The following NPIPB8 variants were observed in gnomAD, a reference collection of about 807,000 sequenced individuals.
NPIPB8 encodes nuclear pore complex-interacting protein family member B8.
NPIPB8 carries 3 observed loss-of-function variants against 5.3 expected under a neutral mutation model. That is an observed-to-expected ratio of 0.57 (90% CI 0.26 to 1.47). NPIPB8 has a LOEUF of 1.47. Ranked by LOEUF, NPIPB8 falls within the 40% of genes most tolerant of loss-of-function variation. The probability of loss-of-function intolerance (pLI) is 0.13; values close to 1 mark genes in which losing one functional copy is unlikely to be tolerated. For missense variants in NPIPB8, 50 were observed against 50.2 expected, an observed-to-expected ratio of 1.00 and a Z score of 0.01; for synonymous variants, 18 against 23.0, an observed-to-expected ratio of 0.78 and a Z score of 0.62.
At chr16:28,638,673 A>G (rs2047836077) in intron 2 of NPIPB8, among the ~76,000 whole-genome samples, 193 bp downstream of exon 2, 2 of 150,824 alleles carry the variant, frequency 1.3e-5, no homozygotes, top group African/African-American at 5.0e-5. Context: ...GAAAACCACT[A>G]TCTTCTGTCA....
chr16:28,642,525 C>T, intron 2 of NPIPB8, among the ~76,000 whole-genome samples: 1 of 150,954 alleles, frequency 6.6e-6, no homozygotes, highest in East Asian at 1.9e-4. Flanking sequence ...CGCTCTGTCG[C>T]CTAGGCTGGA....
At chr16:28,644,737 G>C in intron 2 of NPIPB8, 2 of 822,272 alleles carry the variant, frequency 2.4e-6, no homozygotes, top group South Asian at 1.5e-5. Flanking sequence ...GCTCAGGCCT[G>C]TAATCCCAGC....
At chr16:28,642,056 C>T (rs1426148129) in intron 2 of NPIPB8, among the ~76,000 whole-genome samples, 6 of 151,756 alleles carry the variant, frequency 4.0e-5, no homozygotes, top group South Asian at 2.1e-4. Context: ...CTTCAACCCC[C>T]ACTTACTTGG....
intron 2 of NPIPB8, among the ~76,000 whole-genome samples, chr16:28,642,079 T>C (rs2411445): frequency 5.3e-5 from 8 of 150,462 alleles, no homozygotes; most frequent in East Asian, 1.9e-4. Context: ...TCTCCTTTTA[T>C]AACCAACACA....
At chr16:28,644,508 C>G (rs1333095195) in intron 2 of NPIPB8, 1 of 937,536 alleles carries the variant, frequency 1.1e-6, no homozygotes, top group South Asian at 1.4e-5. Context: ...CGGCCCATTC[C>G]CCGTCCCCTT....
chr16:28,650,973 T>C, intron 3 of NPIPB8, among the ~76,000 whole-genome samples: 1 of 111,260 alleles, frequency 9.0e-6, no homozygotes, highest in African/African-American at 5.3e-5. Context: ...TTGTGTGAAG[T>C]ATATTCATGT....
chr16:28,641,150 G>C (rs2047889029), intron 2 of NPIPB8, among the ~76,000 whole-genome samples: 1 of 151,968 alleles, frequency 6.6e-6, no homozygotes, highest in Admixed American at 6.6e-5. Context: ...TGTTCCAATG[G>C]CCCTGGGTGA....
chr16:28,638,165 A>G lies in NPIPB8; in HGVS notation c.-39+15A>G. On this transcript the variant is annotated intron_variant, in intron 1 of 7. Transcript: ENST00000683297. ...AGAAAACTGAGGTTAAAAGGGGTAAAGTAATTTTGCATGGCATGAAGTAGA... is the reference window on the plus strand; with the variant it reads ...AGAAAACTGAGGTTAAAAGGGGTAAGGTAATTTTGCATGGCATGAAGTAGA... 3.0e-6 allele frequency: 2 copies of G among 656,222 alleles called. No homozygotes were observed. The highest frequency in any genetic ancestry group is 5.1e-6 in the Non-Finnish European group (2 of 389,220). 40.6% of individuals were successfully genotyped at this position (656,222 alleles called of 1,614,324 possible). A position where few individuals can be genotyped will look rare whatever the true frequency, so the allele number is the denominator to read the frequency against.
At chr16:28,639,525 T>C (rs1026787634) in intron 2 of NPIPB8, among the ~76,000 whole-genome samples, 7 of 137,424 alleles carry the variant, frequency 5.1e-5, no homozygotes, top group Non-Finnish European at 1.1e-4. Context: ...GGCACAATCT[T>C]GGCTCACTGC....
upstream of NPIPB8, chr16:28,637,951 A>T (rs1171235312): frequency 1.4e-6 from 1 of 689,696 alleles, no homozygotes; most frequent in African/African-American, 1.9e-5. Context: ...TGCTTTTTAG[A>T]CTTAACATTT....
intron 2 of NPIPB8, among the ~76,000 whole-genome samples, chr16:28,639,456 T>TGTA (rs773775499): frequency 1.6e-3 from 142 of 90,726 alleles, no homozygotes; most frequent in Non-Finnish European, 2.4e-3. Flanking sequence ...TATATATATA[T>TGTA]TTTTTTTTTT....
chr16:28,640,716 A>G (rs1319329891), intron 2 of NPIPB8, among the ~76,000 whole-genome samples: 1 of 152,186 alleles, frequency 6.6e-6, no homozygotes, highest in Non-Finnish European at 1.5e-5. Flanking sequence ...AGTTTGTCCC[A>G]GAGCTGCACA....
chr16:28,639,444 C>CACATAT (rs1452819801), intron 2 of NPIPB8, among the ~76,000 whole-genome samples: 33 of 116,958 alleles, frequency 2.8e-4, no homozygotes, highest in African/African-American at 1.3e-3. Flanking sequence ...CACACACACA[C>CACATAT]ATATATATAT....
chr16:28,638,205 G>A (rs1467227208), intron 1 of NPIPB8, 55 bp downstream of exon 1: 1 of 1,292,028 alleles, frequency 7.7e-7, no homozygotes, highest in Non-Finnish European at 1.0e-6. Flanking sequence ...CAAAGTACAG[G>A]AATTTGAACT....
At chr16:28,641,864 AG>A (rs1332801975) in intron 2 of NPIPB8, among the ~76,000 whole-genome samples, 1 of 131,356 alleles carries the variant, frequency 7.6e-6, no homozygotes, top group Non-Finnish European at 1.6e-5. Flanking sequence ...CCTGCAAGGG[AG>A]GTTGATCCTG....
chr16:28,642,632 C>A (rs1319396250), intron 2 of NPIPB8, among the ~76,000 whole-genome samples: 1 of 150,816 alleles, frequency 6.6e-6, no homozygotes, highest in East Asian at 2.0e-4. Flanking sequence ...CTACAGGTGC[C>A]CACCACCACA....
In NPIPB8 at chr16:28,644,280, G is replaced by C. The variant is rs1486289566; in HGVS notation, c.121-3855G>C. 8.6e-5 allele frequency among the ~76,000 whole-genome samples: 9 copies of C among 104,264 alleles called. 1 individual carries two copies. Among genetic ancestry groups the C allele is most frequent in the African/African-American group, 2.5e-4 (5 of 20,296 alleles). 68.4% of individuals were successfully genotyped at this position (104,264 alleles called of 152,430 possible). On this transcript the variant is annotated intron_variant, in intron 2 of 7. Transcript: ENST00000683297. ...GCTTCCCTGATCTTCTCCGTGACCTGTAGCTAAACCTTCCACCAGCGCTTG... is the reference window on the plus strand; with the variant it reads ...GCTTCCCTGATCTTCTCCGTGACCTCTAGCTAAACCTTCCACCAGCGCTTG...
chr16:28,638,302 T>A, intron 1 of NPIPB8, 21 bp from the exon 2 acceptor site: 1 of 1,549,504 alleles, frequency 6.5e-7, no homozygotes, highest in Non-Finnish European at 8.7e-7. Context: ...CAACAAACTT[T>A]TTTTCTTAAT....
chr16:28,641,072 A>T (rs3869378), intron 2 of NPIPB8, among the ~76,000 whole-genome samples: 2 of 151,928 alleles, frequency 1.3e-5, no homozygotes, highest in Non-Finnish European at 2.9e-5. Flanking sequence ...TGTGTCGTGC[A>T]TGTATTCTGT....
Sources: allele counts gnomAD v4.1 joint callset (sites outside exome capture counted in the v4.1 genomes callset), GRCh38; gene constraint gnomAD v4.1.1; transcripts MANE v1.5; gene names NCBI Gene and HGNC (gene_info 2026-07-23, HGNC 2026-07-21).